Variants in DNMT3B observed in about 807,000 individuals in gnomAD.
The protein encoded by DNMT3B is DNA methyltransferase 3 beta.
DNMT3B carries 37 observed loss-of-function variants against 120.2 expected under a neutral mutation model. The ratio of observed to expected loss-of-function variants is 0.31; its 90% confidence interval spans 0.24 to 0.40. DNMT3B has a LOEUF of 0.40. Among genes scored for constraint, DNMT3B ranks in the 10% least tolerant of loss-of-function variants. DNMT3B has a pLI of 1.00. For missense variants in DNMT3B, 878 were observed against 1,137.3 expected (o/e 0.77, Z 3.28); for synonymous variants, 412 against 442.8 (o/e 0.93, Z 0.87).
At chr20:32,796,935 C>A in intron 13 of DNMT3B, 66 bp downstream of exon 13, 2 of 1,614,100 alleles carry the variant, frequency 1.2e-6, no homozygotes, top group Non-Finnish European at 1.7e-6. Context: ...CTCTCCTTCC[C>A]AACAGCACCT....
rs914001435 is a variant in DNMT3B, at chr20:32,809,317, A to G, written c.*1414A>G. ...TTAGGCTGAAAGATGACGGATGCCT[A>G]GAGTTTACCTTATGTTTAATTAAAA... is the stretch of plus-strand genomic sequence containing the variant. On this transcript the variant is annotated 3_prime_UTR_variant, in exon 23 of 23. Transcript: ENST00000328111. The G allele has an allele frequency of 4.7e-6, 1 of 211,672 alleles. No individual in the cohort carries two copies. The highest frequency in any genetic ancestry group is 2.3e-5 in the African/African-American group (1 of 44,136). The allele number at this position is 211,672 out of a possible 1,614,324, so 13.1% of individuals were successfully genotyped here. A position where few individuals can be genotyped will look rare whatever the true frequency, so the allele number is the denominator to read the frequency against.
intron 22 of DNMT3B, among the ~76,000 whole-genome samples, chr20:32,807,479 G>A (rs978442577): frequency 6.6e-6 from 1 of 152,166 alleles, no homozygotes; most frequent in Non-Finnish European, 1.5e-5. Flanking sequence ...TACATTGCTG[G>A]CTGGCTGATT....
At chr20:32,764,644 C>T (rs1054583269) in intron 1 of DNMT3B, among the ~76,000 whole-genome samples, 11 of 152,184 alleles carry the variant, frequency 7.2e-5, no homozygotes, top group Non-Finnish European at 1.5e-5. Context: ...AAAGCCCTCC[C>T]GGCCACGCAT....
At chr20:32,765,422 C>CTTT (rs201623266) in intron 1 of DNMT3B, among the ~76,000 whole-genome samples, 1,673 of 121,236 alleles carry the variant, frequency 0.014, 78 homozygotes, top group African/African-American at 0.049. Flanking sequence ...CTCTTTTTTT[C>CTTT]TTTCTTTTTT....
intron 1 of DNMT3B, among the ~76,000 whole-genome samples, chr20:32,774,814 G>C (rs57399047): frequency 3.4e-4 from 51 of 151,992 alleles, no homozygotes; most frequent in African/African-American, 1.2e-3. Flanking sequence ...CCGCCTCCCG[G>C]GTTCAAGTGA....
rs1982165270 is a variant in DNMT3B at position 32,808,084 on chromosome 20, G to C, written c.*181G>C. On this transcript the variant is annotated 3_prime_UTR_variant, in exon 23 of 23. Coordinates refer to ENST00000328111, the MANE Select transcript of DNMT3B (RefSeq NM_006892.4). ...GACTCTTGCAGGGGTAGCCTGAGGT[G>C]CCGCCTCCTTGTGCACAAATCAGAC... is the stretch of plus-strand genomic sequence containing the variant. 1.0e-6 allele frequency: 1 copy of C among 999,084 alleles called. No individual in the cohort carries two copies. The highest frequency in any genetic ancestry group is 1.6e-5 in the African/African-American group (1 of 62,242). 61.9% of individuals were successfully genotyped at this position (999,084 alleles called of 1,614,324 possible). A position where few individuals can be genotyped will look rare whatever the true frequency, so the allele number is the denominator to read the frequency against.
chr20:32,803,115 A>T, intron 20 of DNMT3B, among the ~76,000 whole-genome samples: 1 of 152,202 alleles, frequency 6.6e-6, no homozygotes, highest in East Asian at 1.9e-4. Flanking sequence ...TGTCCCTCAG[A>T]TTCTCATCAC....
chr20:32,782,018 A>T (rs1169795070), intron 3 of DNMT3B, among the ~76,000 whole-genome samples: 1 of 152,250 alleles, frequency 6.6e-6, no homozygotes, highest in African/African-American at 2.4e-5. Context: ...TGAAAAAGTG[A>T]AAGTTCTCAA....
At chr20:32,773,702 T>C (rs191357349) in intron 1 of DNMT3B, among the ~76,000 whole-genome samples, 1 of 151,664 alleles carries the variant, frequency 6.6e-6, no homozygotes, top group East Asian at 1.9e-4. Flanking sequence ...AGCCTCAACT[T>C]CCGAGGCTTA....
intron 20 of DNMT3B, among the ~76,000 whole-genome samples, chr20:32,804,559 C>T (rs1034940143): frequency 6.6e-5 from 10 of 152,264 alleles, no homozygotes; most frequent in East Asian, 1.9e-4. Context: ...CCTCTTGCAC[C>T]AGTTTCTGTT....
intron 14 of DNMT3B, 141 bp from the exon 15 acceptor site, chr20:32,798,318 GC>G (rs1980890446): frequency 5.0e-6 from 5 of 1,004,090 alleles, no homozygotes; most frequent in African/African-American, 4.8e-5. Flanking sequence ...ACTGCACAGG[GC>G]CCCGCAGGCT....
intron 1 of DNMT3B, among the ~76,000 whole-genome samples, chr20:32,773,549 GT>G (rs111542956): frequency 2.6e-5 from 4 of 151,838 alleles, no homozygotes; most frequent in African/African-American, 7.3e-5. Flanking sequence ...CAACTTCCCA[GT>G]GAATTGGGTG....
intron 1 of DNMT3B, among the ~76,000 whole-genome samples, chr20:32,778,667 G>T (rs1169908393): frequency 6.6e-6 from 1 of 152,222 alleles, no homozygotes; most frequent in East Asian, 1.9e-4. Flanking sequence ...TGGCGCCAGT[G>T]CAGCTTGGAG....
intron 3 of DNMT3B, among the ~76,000 whole-genome samples, chr20:32,784,070 C>T (rs1978961909): frequency 1.3e-5 from 2 of 152,216 alleles, no homozygotes; most frequent in African/African-American, 4.8e-5. Context: ...GCACATGCCA[C>T]CATGCCCTGC....
At chr20:32,800,519 C>T (rs909011257) in intron 17 of DNMT3B, among the ~76,000 whole-genome samples, 1 of 152,184 alleles carries the variant, frequency 6.6e-6, no homozygotes, top group Admixed American at 6.5e-5. Context: ...AGTGCAGTGG[C>T]ATGATCTCAG....
At chr20:32,788,023 C>T (rs1048210009) in intron 6 of DNMT3B, among the ~76,000 whole-genome samples, 9 of 152,102 alleles carry the variant, frequency 5.9e-5, no homozygotes, top group Non-Finnish European at 1.2e-4. Context: ...TCACTTAAGG[C>T]AAGGACCGGC....
At chr20:32,799,674 C>T (rs1175359627) in intron 16 of DNMT3B, among the ~76,000 whole-genome samples, 18 of 152,096 alleles carry the variant, frequency 1.2e-4, no homozygotes, top group Admixed American at 1.1e-3. Context: ...CTCACCACCA[C>T]GCCCAGCTAA....
At chr20:32,802,884 G>A (rs1278885859) in intron 20 of DNMT3B, among the ~76,000 whole-genome samples, 1 of 152,192 alleles carries the variant, frequency 6.6e-6, no homozygotes. Context: ...GCCAGACTGT[G>A]TACCTCCTTC....
intron 1 of DNMT3B, among the ~76,000 whole-genome samples, chr20:32,776,162 G>A (rs1444497065): frequency 6.6e-6 from 1 of 152,060 alleles, no homozygotes; most frequent in Non-Finnish European, 1.5e-5. Flanking sequence ...CCGGGAGGTG[G>A]AGGTTGCAGT....
Sources: gnomAD v4.1 joint callset for allele counts (sites outside exome capture counted in the v4.1 genomes callset) on GRCh38, gnomAD v4.1.1 for gene constraint, MANE v1.5 for transcripts, NCBI Gene and HGNC (gene_info 2026-07-23, HGNC 2026-07-21) for gene names.